Variants in DISP3 observed in about 807,000 individuals in gnomAD.
DISP3 encodes dispatched RND transporter family member 3, also known as protein dispatched homolog 3.
A neutral mutation model predicts 135.3 loss-of-function variants in DISP3; 101 were observed. The ratio of observed to expected loss-of-function variants is 0.75; its 90% CI spans 0.64 to 0.88. DISP3 has a LOEUF of 0.88. DISP3 is among the 40% of genes least tolerant of loss of function. The pLI, the probability that DISP3 is intolerant of heterozygous loss-of-function variation, is 0.00. For missense variants in DISP3, 1,713 were observed against 1,878.6 expected (o/e 0.91, Z 1.63); for synonymous variants, 856 against 817.0 (o/e 1.05, Z -0.81).
Position 11,501,385 on chromosome 1 carries a change from A to G in DISP3, c.393A>G (p.Gly131=), listed in dbSNP as rs1431299834. Reference sequence around the variant, plus strand: ...CTCTGGCGCTTAAGTCCCAGTTTGGATCCTGGGGGCGGAACCGGCGCGATT... The same window carrying G: ...CTCTGGCGCTTAAGTCCCAGTTTGGGTCCTGGGGGCGGAACCGGCGCGATT... The part of the protein sequence containing the change: ...ALTLALKSQF[G]SWGRNRRDLA... Residue 131 remains glycine (G), a synonymous_variant, in exon 2 of 21, where the codon GGA becomes GGG. Coordinates refer to ENST00000294484, the MANE Select transcript of DISP3 (RefSeq NM_020780.2). This position sits in a 1 kb window ranked among gnomAD's most constrained non-coding sequence, Gnocchi z 4.9. 12 of 1,607,424 alleles carry G rather than the reference A, an allele frequency of 7.5e-6. No individual in the cohort carries two copies. Among genetic ancestry groups the G allele is most frequent in the South Asian group, 1.1e-5 (1 of 90,290 alleles).
chr1:11,529,732 G>A lies in DISP3; in HGVS notation c.2929+46G>A, dbSNP rs372953032. On this transcript the variant is annotated intron_variant, in intron 14 of 20. Transcript: ENST00000294484. The surrounding 1 kb of genome is among the most constrained non-coding windows in gnomAD (Gnocchi z 4.7). ...TGGGGACCTCAAGAGCTGAGACCTC[G>A]GGGCTCAGGAGCTGGACCCTGCCTT... is the stretch of plus-strand genomic sequence containing the variant. The A allele has an allele frequency of 3.4e-5, 55 of 1,599,986 alleles. No individual in the cohort carries two copies. The highest frequency in any genetic ancestry group is 4.4e-5 in the South Asian group (4 of 90,476).
Position 11,515,511 on chromosome 1 carries a change from G to A in DISP3, c.1588+8G>A, listed in dbSNP as rs377091346. Reference sequence around the variant, plus strand: ...TCGTGATCGTGGGCATTGGTGAGTCGCCTCTGTTGTCATGGCAGTGCGCCT... The same window carrying A: ...TCGTGATCGTGGGCATTGGTGAGTCACCTCTGTTGTCATGGCAGTGCGCCT... On this transcript the variant is annotated splice_region_variant and intron_variant, in intron 5 of 20. Coordinates refer to ENST00000294484, the MANE Select transcript of DISP3 (RefSeq NM_020780.2). 30 of 1,594,660 alleles carry A rather than the reference G, an allele frequency of 1.9e-5. No individual in the cohort carries two copies. Among genetic ancestry groups the A allele is most frequent in the African/African-American group, 1.7e-4 (13 of 74,622 alleles).
intron 1 of DISP3, among the ~76,000 whole-genome samples, chr1:11,486,856 T>C (rs1205582571): frequency 1.3e-5 from 2 of 152,080 alleles, no homozygotes; most frequent in Non-Finnish European, 2.9e-5. Flanking sequence ...GTTTTTTACT[T>C]TTAGTAGAGA....
In DISP3 at chr1:11,501,491, C is replaced by T. The variant is rs1355216158; in HGVS notation, c.499C>T (p.Gln167Ter). The change falls in exon 2 of 21, where the codon CAA becomes TAA. Residue 167 changes from glutamine to a stop codon, truncating the protein, a stop_gained. Transcript: ENST00000294484. LOFTEE classifies it high-confidence loss of function. This position sits in a 1 kb window ranked among gnomAD's most constrained non-coding sequence, Gnocchi z 4.9. ...QQLHLGNRSR[Q>*]ASRAPRVIPA... ...GCTGCATCTCGGCAACCGCTCGCGG[C>T]AAGCCTCCCGAGCCCCCCGCGTCAT... 6.2e-7 allele frequency: 1 copy of T among 1,606,574 alleles called. No homozygotes were observed. Among genetic ancestry groups the T allele is most frequent in the Admixed American group, 1.7e-5 (1 of 59,366 alleles).
Position 11,502,082 on chromosome 1 carries a change from A to G in DISP3, c.1090A>G (p.Ile364Val). 2 of 1,550,550 alleles carry G rather than the reference A, an allele frequency of 1.3e-6. No individual in the cohort carries two copies. Among genetic ancestry groups the G allele is most frequent in the Non-Finnish European group, 1.7e-6 (2 of 1,148,518 alleles). ...YDGMGQDLAD[I>V]RGSLELAMTH... is the part of the protein sequence containing the mutation. ...CGGCATGGGCCAGGACCTGGCGGAC[A>G]TCCGGGGTGAGCCGCCGGGATGCTG... Residue 364 changes from isoleucine to valine, a missense_variant, in exon 2 of 21, where the codon ATC becomes GTC. Physicochemically the swap from Ile to Val is conservative, Grantham distance 29. Coordinates refer to ENST00000294484, the MANE Select transcript of DISP3 (RefSeq NM_020780.2).
chr1:11,514,544 C>T lies in DISP3; in HGVS notation c.1453+18C>T. ...CTGCTCAGGTAGGGCTTCTCTCAAG[C>T]CAGCCCCCTCCTCCCCTCCCAGGGT... On this transcript the variant is annotated intron_variant, in intron 4 of 20. Transcript: ENST00000294484. 6.2e-7 allele frequency: 1 copy of T among 1,608,820 alleles called. No individual in the cohort carries two copies. Among genetic ancestry groups the T allele is most frequent in the Non-Finnish European group, 8.5e-7 (1 of 1,176,164 alleles).
intron 10 of DISP3, among the ~76,000 whole-genome samples, chr1:11,522,749 G>GGCCC (rs1642262557): frequency 2.5e-5 from 2 of 79,172 alleles, no homozygotes; most frequent in Admixed American, 1.4e-4. Flanking sequence ...GCCCAGCCAG[G>GGCCC]ACCCAGCCAG....
chr1:11,489,732 G>A (rs1641131313), intron 1 of DISP3, among the ~76,000 whole-genome samples: 1 of 152,196 alleles, frequency 6.6e-6, no homozygotes, highest in Non-Finnish European at 1.5e-5. Flanking sequence ...ACACAGGCGA[G>A]TGGCCAGGCA....
chr1:11,515,253 A>G (rs1201556374), intron 4 of DISP3, 116 bp from the exon 5 acceptor site: 2 of 1,390,698 alleles, frequency 1.4e-6, no homozygotes, highest in Non-Finnish European at 2.0e-6. Flanking sequence ...AGAGTGGTGA[A>G]TGGTGACCAG....
intron 3 of DISP3, among the ~76,000 whole-genome samples, chr1:11,503,584 A>G (rs1641616003): frequency 6.6e-6 from 1 of 151,980 alleles, no homozygotes; most frequent in Admixed American, 6.6e-5. Flanking sequence ...GGAAAGAGAG[A>G]GAGGAAATCA....
At chr1:11,493,327 C>G (rs1342640926) in intron 1 of DISP3, among the ~76,000 whole-genome samples, 1 of 152,220 alleles carries the variant, frequency 6.6e-6, no homozygotes, top group East Asian at 1.9e-4. Flanking sequence ...TCAACAAAAA[C>G]AATTTCCTCT....
chr1:11,523,831 G>T lies in DISP3; in HGVS notation c.2363-111G>T, dbSNP rs547668845. 5.4e-5 allele frequency: 42 copies of T among 784,200 alleles called. No individual in the cohort carries two copies. The African/African-American group carries it at 5.6e-4, about 10-fold the overall frequency. The allele number at this position is 784,200 out of a possible 1,614,324, so 48.6% of individuals were successfully genotyped here. A position where few individuals can be genotyped will look rare whatever the true frequency, so the allele number is the denominator to read the frequency against. The stretch of plus-strand genomic sequence containing the variant: ...CTGACACCCACCCCCTCCAGTCCCT[G>T]GGCCCCAGTTCCTGAGACTGTCTCA... On this transcript the variant is annotated intron_variant, in intron 10 of 20. Coordinates refer to ENST00000294484, the MANE Select transcript of DISP3 (RefSeq NM_020780.2).
At position 11,519,700 on chromosome 1, in the gene DISP3, C is replaced by T; in HGVS notation, c.2039-19C>T. On this transcript the variant is annotated intron_variant, in intron 8 of 20. Transcript: ENST00000294484. The surrounding 1 kb of genome is among the most constrained non-coding windows in gnomAD (Gnocchi z 4.3). ...GGCTTTGATTCAGGCTCTGACGGGC[C>T]ACTGCTCTGCCCTGGCAGTGTCACT... 1 of 1,608,378 alleles carries T rather than the reference C, an allele frequency of 6.2e-7. No homozygotes were observed.
chr1:11,537,208 C>T lies in DISP3; in HGVS notation c.*522C>T, dbSNP rs1275824685. 3 of 154,816 alleles carry T rather than the reference C, an allele frequency of 1.9e-5. No individual in the cohort carries two copies. The highest frequency in any genetic ancestry group is 4.3e-5 in the Non-Finnish European group (3 of 69,960). 9.6% of individuals were successfully genotyped at this position (154,816 alleles called of 1,614,324 possible). The stretch of plus-strand genomic sequence containing the variant: ...TGGATCCAGGGTGGGGGCCTCTCAC[C>T]CCCTAACCCCGCCCCCCCGCAACCC... On this transcript the variant is annotated 3_prime_UTR_variant, in exon 21 of 21. Coordinates refer to ENST00000294484, the MANE Select transcript of DISP3 (RefSeq NM_020780.2).
At chr1:11,493,114 G>A (rs1171126152) in intron 1 of DISP3, among the ~76,000 whole-genome samples, 1 of 152,186 alleles carries the variant, frequency 6.6e-6, no homozygotes, top group Non-Finnish European at 1.5e-5. Context: ...TGGAGGCTGA[G>A]AAGCCCCAAG....
Position 11,501,798 on chromosome 1 carries a change from C to A in DISP3, c.806C>A (p.Thr269Lys), listed in dbSNP as rs773094088. ...SRAYVSANTQ[T>K]HAHWRIELIF... ...GCCTATGTGAGTGCCAACACTCAGA[C>A]GCACGCGCACTGGCGCATCGAGCTC... is the stretch of plus-strand genomic sequence containing the variant. The change falls in exon 2 of 21, where the codon ACG becomes AAG. Residue 269 changes from threonine to lysine, a missense_variant. Physicochemically the swap from Thr to Lys is moderately conservative, Grantham distance 78. Coordinates refer to ENST00000294484, the MANE Select transcript of DISP3 (RefSeq NM_020780.2). This position sits in a 1 kb window ranked among gnomAD's most constrained non-coding sequence, Gnocchi z 4.9. The A allele has an allele frequency of 6.2e-7, 1 of 1,604,142 alleles. No homozygotes were observed. The highest frequency in any genetic ancestry group is 1.3e-5 in the African/African-American group (1 of 74,868).
chr1:11,527,897 C>G (rs148006784), intron 13 of DISP3, among the ~76,000 whole-genome samples: 1 of 152,214 alleles, frequency 6.6e-6, no homozygotes, highest in Non-Finnish European at 1.5e-5. Flanking sequence ...TCTCTCCATA[C>G]GTCACCCACT....
intron 19 of DISP3, 79 bp from the exon 20 acceptor site, chr1:11,535,399 C>T: frequency 6.6e-7 from 1 of 1,516,312 alleles, no homozygotes; most frequent in Non-Finnish European, 8.8e-7. Flanking sequence ...AGGGTGGGGG[C>T]TGGACTCCAG....
At chr1:11,496,510 C>T (rs12139489) in intron 1 of DISP3, among the ~76,000 whole-genome samples, 68,535 of 152,048 alleles carry the variant, frequency 0.45, 16,420 homozygotes, top group East Asian at 0.73. Flanking sequence ...AGTCCTACTC[C>T]GGGCTTTGTC....
Sources: allele counts gnomAD v4.1 joint callset (sites outside exome capture counted in the v4.1 genomes callset), GRCh38; gene constraint gnomAD v4.1.1; non-coding constraint Gnocchi (gnomAD v3.1); transcripts MANE v1.5; gene names NCBI Gene and HGNC (gene_info 2026-07-23, HGNC 2026-07-21).